Variants in MIER1 observed in about 807,000 individuals in gnomAD.
MIER1 encodes mesoderm induction early response protein 1.
MIER1 carries 40 observed loss-of-function variants against 75.7 expected under a neutral mutation model. The ratio of observed to expected loss-of-function variants is 0.53; its 90% confidence interval spans 0.41 to 0.69. The LOEUF is 0.69. Ranked by LOEUF, MIER1 falls within the 30% of genes least tolerant of loss-of-function variation. The pLI is 0.00. For synonymous variants in MIER1, 213 were observed against 223.4 expected (o/e 0.95, Z 0.42); for missense variants, 574 against 680.2 (o/e 0.84, Z 1.74).
chr1:66,964,465 T>C lies in MIER1; in HGVS notation c.772+1305T>C, dbSNP rs1413960691. ...TATGTTTCCTTTTTTTTTTTTTTTT[T>C]TTTTGAGATAGAGTTTTGCTCTTGT... is the stretch of plus-strand genomic sequence containing the variant. On this transcript the variant is annotated intron_variant, in intron 8 of 13. Coordinates refer to ENST00000401041, the MANE Select transcript of MIER1 (RefSeq NM_001077700.3). 6.2e-3 allele frequency among the ~76,000 whole-genome samples: 508 copies of C among 81,926 alleles called. 2 individuals carry two copies. The highest frequency in any genetic ancestry group is 0.016 in the South Asian group (35 of 2,258). 53.7% of individuals were successfully genotyped at this position (81,926 alleles called of 152,430 possible). A position where few individuals can be genotyped will look rare whatever the true frequency, so the allele number is the denominator to read the frequency against.
chr1:66,930,332 G>A, intron 2 of MIER1: 2 of 1,600,846 alleles, frequency 1.2e-6, no homozygotes, highest in Non-Finnish European at 8.5e-7. Flanking sequence ...CTCACATCCG[G>A]GTTCTGGCCG....
At chr1:66,974,248 T>C (rs1664244478) in intron 11 of MIER1, among the ~76,000 whole-genome samples, 1 of 152,084 alleles carries the variant, frequency 6.6e-6, no homozygotes, top group Admixed American at 6.6e-5. Context: ...TAGAAGACAA[T>C]GTAATTAGTT....
chr1:66,928,933 T>C (rs1409717284), intron 2 of MIER1: 5 of 1,608,896 alleles, frequency 3.1e-6, no homozygotes, highest in Non-Finnish European at 3.4e-6. Flanking sequence ...TTACAGACTG[T>C]CTGTGGACTC....
intron 3 of MIER1, among the ~76,000 whole-genome samples, chr1:66,943,889 G>A (rs1656837880): frequency 6.6e-6 from 1 of 152,122 alleles, no homozygotes; most frequent in Non-Finnish European, 1.5e-5. Flanking sequence ...AAAAGCATAG[G>A]TGTTAGGATT....
At chr1:66,958,314 T>C (rs113226540) in intron 5 of MIER1, 94 bp downstream of exon 5, 7 of 804,778 alleles carry the variant, frequency 8.7e-6, no homozygotes, top group Admixed American at 2.8e-5. Flanking sequence ...TTTATAATCT[T>C]TTCCTGATTT....
intron 2 of MIER1, among the ~76,000 whole-genome samples, chr1:66,933,906 G>A (rs950536298): frequency 6.6e-6 from 1 of 152,152 alleles, no homozygotes; most frequent in Admixed American, 6.5e-5. Context: ...TGCCATTGAA[G>A]CTTAAGCATG....
At chr1:66,935,137 T>C (rs1654465690) in intron 2 of MIER1, among the ~76,000 whole-genome samples, 1 of 152,190 alleles carries the variant, frequency 6.6e-6, no homozygotes, top group African/African-American at 2.4e-5. Flanking sequence ...TTGGTGAAAA[T>C]AATGGTAATG....
In MIER1 at chr1:66,981,828, C is replaced by T; in HGVS notation, c.1279C>T (p.Arg427Ter). Residue 427 changes from arginine (R) to a stop codon, truncating the protein, a stop_gained, in exon 13 of 14, where the codon CGA becomes TGA. Coordinates refer to ENST00000401041, the MANE Select transcript of MIER1 (RefSeq NM_001077700.3). LOFTEE classifies it high-confidence loss of function. ...LDESESAASSRAPSPPPTASN... is the reference protein window; with the variant it reads ...LDESESAASS ...CGAAAGTGAAAGTGCTGCATCTAGT[C>T]GAGCACCATCCCCTCCCCCAACTGC... 6.2e-7 allele frequency: 1 copy of T among 1,613,912 alleles called. No individual in the cohort carries two copies. The highest frequency in any genetic ancestry group is 8.5e-7 in the Non-Finnish European group (1 of 1,179,848).
At chr1:66,939,513 T>C (rs979372782) in intron 2 of MIER1, among the ~76,000 whole-genome samples, 4 of 152,174 alleles carry the variant, frequency 2.6e-5, no homozygotes, top group Non-Finnish European at 4.4e-5. Context: ...TAACCTAATA[T>C]AGTATTTGGT....
intron 2 of MIER1, among the ~76,000 whole-genome samples, chr1:66,934,072 A>C (rs1654091324): frequency 6.6e-6 from 1 of 152,198 alleles, no homozygotes; most frequent in South Asian, 2.1e-4. Flanking sequence ...CTTATTATGT[A>C]GGTATGAAAT....
intron 2 of MIER1, among the ~76,000 whole-genome samples, chr1:66,937,203 T>C (rs1295760976): frequency 2.0e-5 from 3 of 152,062 alleles, no homozygotes; most frequent in Non-Finnish European, 4.4e-5. Context: ...TGTGTCTCCT[T>C]GGGTTTACTA....
At chr1:66,940,099 G>C in intron 3 of MIER1, 47 bp downstream of exon 3, 1 of 1,408,290 alleles carries the variant, frequency 7.1e-7, no homozygotes, top group African/African-American at 1.4e-5. Context: ...AGTAACATTT[G>C]TCCTACTAGT....
At chr1:66,950,562 GAT>G (rs1204269361) in intron 4 of MIER1, among the ~76,000 whole-genome samples, 5 of 152,248 alleles carry the variant, frequency 3.3e-5, no homozygotes, top group Admixed American at 3.3e-4. Flanking sequence ...TATGTATTTA[GAT>G]ATATTTTATA....
chr1:66,976,388 C>T (rs1341989294), intron 11 of MIER1, among the ~76,000 whole-genome samples: 1 of 152,174 alleles, frequency 6.6e-6, no homozygotes, highest in Non-Finnish European at 1.5e-5. Context: ...TGCTGTATAT[C>T]TGAAGACCTG....
rs1468416681 is a variant in MIER1 at position 66,987,554 on chromosome 1, T to C, written c.*2654T>C. On this transcript the variant is annotated 3_prime_UTR_variant, in exon 14 of 14. Transcript: ENST00000401041. ...AATATTTAAATAGGCATTTAAAATT[T>C]CAAATTAGATGTTAAATTTATGCAT... The C allele has an allele frequency of 3.3e-5, 5 of 152,686 alleles. No homozygotes were observed. The highest frequency in any genetic ancestry group is 3.3e-4 in the Admixed American group (5 of 15,278). The allele number at this position is 152,686 out of a possible 1,614,324, so 9.5% of individuals were successfully genotyped here.
intron 3 of MIER1, 34 bp from the exon 4 acceptor site, chr1:66,946,115 TG>T (rs764985939): frequency 1.3e-6 from 2 of 1,568,006 alleles, no homozygotes; most frequent in South Asian, 2.4e-5. Context: ...CCACTTAATT[TG>T]GTTTACCAAA....
chr1:66,969,014 G>A (rs1474570367), intron 8 of MIER1, among the ~76,000 whole-genome samples: 1 of 152,130 alleles, frequency 6.6e-6, no homozygotes, highest in Non-Finnish European at 1.5e-5. Flanking sequence ...GCAGAGAATA[G>A]AAATCAATAG....
At chr1:66,946,432 G>A (rs1319395103) in intron 4 of MIER1, 137 bp downstream of exon 4, 2 of 1,374,976 alleles carry the variant, frequency 1.5e-6, no homozygotes, top group African/African-American at 1.5e-5. Flanking sequence ...GTGATCATAG[G>A]TGGGATATTT....
chr1:66,931,875 C>A (rs2101064342), intron 2 of MIER1, among the ~76,000 whole-genome samples: 1 of 152,202 alleles, frequency 6.6e-6, no homozygotes. Context: ...GGACCCCTTT[C>A]AGTGAATATC....
Sources: allele counts gnomAD v4.1 joint callset (sites outside exome capture counted in the v4.1 genomes callset), GRCh38; gene constraint gnomAD v4.1.1; transcripts MANE v1.5; gene names NCBI Gene and HGNC (gene_info 2026-07-23, HGNC 2026-07-21).